The following CYP7B1 variants were observed in gnomAD, a reference collection of about 807,000 sequenced individuals.
CYP7B1 encodes the protein cytochrome P450 family 7 subfamily B member 1, also known as cytochrome P450 7B1.
Under a neutral mutation model 42.7 loss-of-function variants are expected in CYP7B1, and 29 were observed. That is an observed-to-expected ratio of 0.68 (90% confidence interval 0.51 to 0.93). The LOEUF (loss-of-function observed/expected upper bound fraction) is 0.93. CYP7B1 is among the 40% of genes least tolerant of loss of function. The probability of loss-of-function intolerance (pLI) is 0.00; values close to 1 mark genes in which losing one functional copy is unlikely to be tolerated. For missense variants in CYP7B1, 655 were observed against 600.5 expected (o/e 1.09, Z -0.95); for synonymous variants, 235 against 218.2 (o/e 1.08, Z -0.68).
chr8:64,782,593 G>A (rs1375742770), intron 1 of CYP7B1, among the ~76,000 whole-genome samples: 1 of 152,152 alleles, frequency 6.6e-6, no homozygotes, highest in African/African-American at 2.4e-5. Context: ...ATTATTAGGT[G>A]AGCACTCTAA....
At chr8:64,603,489 C>A (rs1805231814) in intron 5 of CYP7B1, among the ~76,000 whole-genome samples, 1 of 152,062 alleles carries the variant, frequency 6.6e-6, no homozygotes, top group Non-Finnish European at 1.5e-5. Context: ...TAAATAAATG[C>A]AGAATTGTAG....
chr8:64,643,180 T>C (rs780955720), intron 1 of CYP7B1, among the ~76,000 whole-genome samples: 3 of 92,816 alleles, frequency 3.2e-5, no homozygotes, highest in African/African-American at 9.2e-5. Context: ...TACATATATA[T>C]ACATATATAT....
At chr8:64,604,281 C>T (rs1805243349) in intron 5 of CYP7B1, among the ~76,000 whole-genome samples, 1 of 152,208 alleles carries the variant, frequency 6.6e-6, no homozygotes, top group Admixed American at 6.5e-5. Flanking sequence ...AACAGTCAAC[C>T]TCACTTTGGA....
intron 1 of CYP7B1, among the ~76,000 whole-genome samples, chr8:64,726,766 T>C (rs938843042): frequency 1.4e-4 from 21 of 152,232 alleles, no homozygotes; most frequent in African/African-American, 5.1e-4. Context: ...TAGGATCATC[T>C]GTATAGCAGA....
chr8:64,604,678 T>C lies in CYP7B1; in HGVS notation c.1233+4A>G. 6.2e-7 allele frequency: 1 copy of C among 1,614,096 alleles called. No homozygotes were observed. The highest frequency in any genetic ancestry group is 8.5e-7 in the Non-Finnish European group (1 of 1,180,020). The stretch of plus-strand genomic sequence containing the variant: ...TAGCAATCATAGGCTTGATGTTTAC[T>C]TACCTCTGGAGCTTCAAAGATTTCA... On this transcript the variant is annotated splice_donor_region_variant and intron_variant, in intron 5 of 5. Transcript: ENST00000310193.
chr8:64,667,753 T>C (rs1451710686), intron 1 of CYP7B1, among the ~76,000 whole-genome samples: 1 of 152,214 alleles, frequency 6.6e-6, no homozygotes, highest in African/African-American at 2.4e-5. Context: ...TTGTCTTCCT[T>C]GAAGCAGGAT....
intron 1 of CYP7B1, among the ~76,000 whole-genome samples, chr8:64,736,109 A>G (rs1807483310): frequency 6.6e-6 from 1 of 152,188 alleles, no homozygotes; most frequent in Non-Finnish European, 1.5e-5. Flanking sequence ...ATTTATCAGG[A>G]AGTCTTTGTG....
chr8:64,750,724 A>T (rs13264230), intron 1 of CYP7B1, among the ~76,000 whole-genome samples: 16,073 of 152,218 alleles, frequency 0.11, 1,133 homozygotes, highest in Non-Finnish European at 0.16. Context: ...CTTAATACTG[A>T]GTTGAACTTG....
intron 1 of CYP7B1, among the ~76,000 whole-genome samples, chr8:64,716,342 C>T (rs781226020): frequency 2.0e-5 from 3 of 152,092 alleles, no homozygotes; most frequent in Non-Finnish European, 4.4e-5. Context: ...TAGTTTTTAT[C>T]CAAGAAGTTA....
chr8:64,788,584 T>C (rs923712373), intron 1 of CYP7B1, among the ~76,000 whole-genome samples: 1 of 152,188 alleles, frequency 6.6e-6, no homozygotes, highest in Non-Finnish European at 1.5e-5. Context: ...GCTCCTGCCA[T>C]GCACCCACAG....
At chr8:64,795,727 T>A (rs909941584) in intron 1 of CYP7B1, among the ~76,000 whole-genome samples, 2 of 152,218 alleles carry the variant, frequency 1.3e-5, no homozygotes, top group Non-Finnish European at 2.9e-5. Flanking sequence ...GTCAAAAATG[T>A]ATCCTGATTC....
At chr8:64,684,838 A>G (rs992168550) in intron 1 of CYP7B1, among the ~76,000 whole-genome samples, 1 of 152,248 alleles carries the variant, frequency 6.6e-6, no homozygotes, top group African/African-American at 2.4e-5. Flanking sequence ...GGCGCTTGAC[A>G]TCATTAGACA....
intron 1 of CYP7B1, among the ~76,000 whole-genome samples, chr8:64,705,126 C>T (rs182366351): frequency 6.6e-6 from 1 of 151,910 alleles, no homozygotes; most frequent in Admixed American, 6.6e-5. Flanking sequence ...AGCACTTCCT[C>T]GGGGCCAAGT....
rs863224730 is a variant in CYP7B1 at position 64,615,922 on chromosome 8, T to C, written c.619A>G (p.Lys207Glu). The change falls in exon 3 of 6, where the codon AAA becomes GAA. Residue 207 changes from lysine to glutamate, a missense_variant. Physicochemically the swap from Lys to Glu is moderately conservative, Grantham distance 56 (BLOSUM62 1). Transcript: ENST00000310193. Reference sequence around the variant, plus strand: ...TCATCTCTTAGCTCACTAATAAATTTGTTGTTGTCACAAACAATAACTTTT... The same window carrying C: ...TCATCTCTTAGCTCACTAATAAATTCGTTGTTGTCACAAACAATAACTTTT... ...YGKVIVCDNN[K>E]FISELRDDFL... is the part of the protein sequence containing the mutation. The C allele has an allele frequency of 1.9e-6, 3 of 1,613,622 alleles. No individual in the cohort carries two copies. Among genetic ancestry groups the C allele is most frequent in the Non-Finnish European group, 2.5e-6 (3 of 1,179,762 alleles).
At chr8:64,695,270 G>A (rs1181590056) in intron 1 of CYP7B1, among the ~76,000 whole-genome samples, 1 of 152,202 alleles carries the variant, frequency 6.6e-6, no homozygotes, top group East Asian at 1.9e-4. Flanking sequence ...AGGACTGACC[G>A]GACATGAGCC....
intron 1 of CYP7B1, among the ~76,000 whole-genome samples, chr8:64,769,671 G>A (rs1804184883): frequency 6.6e-6 from 1 of 152,138 alleles, no homozygotes; most frequent in Non-Finnish European, 1.5e-5. Context: ...CTGTTATGTG[G>A]TTCAGCATCC....
intron 4 of CYP7B1, among the ~76,000 whole-genome samples, chr8:64,614,286 A>C (rs571016289): frequency 2.6e-5 from 4 of 152,286 alleles, no homozygotes; most frequent in Admixed American, 6.5e-5. Context: ...GTACAGACCT[A>C]TGTAGAAATA....
rs892990030 is a variant in CYP7B1 at position 64,731,906 on chromosome 8, T to C, written c.122+66560A>G. On this transcript the variant is annotated intron_variant, in intron 1 of 5. Coordinates refer to ENST00000310193, the MANE Select transcript of CYP7B1 (RefSeq NM_004820.5). ...GGTGGCTTCCACGTGGTGTTTGGCC[T>C]GTGGTGTACCAAAGTCAAGAACTGA... Among the ~76,000 whole-genome samples the C allele has an allele frequency of 5.3e-5, 8 of 152,234 alleles. 1 individual carries two copies. The highest frequency in any genetic ancestry group is 4.6e-4 in the Admixed American group (7 of 15,290).
intron 1 of CYP7B1, among the ~76,000 whole-genome samples, chr8:64,650,184 T>C (rs1201615006): frequency 1.3e-5 from 2 of 152,202 alleles, no homozygotes; most frequent in Non-Finnish European, 2.9e-5. Flanking sequence ...TCTCTAGTAA[T>C]ACTCCCAGAA....
Sources: gnomAD v4.1 joint callset for allele counts (sites outside exome capture counted in the v4.1 genomes callset) on GRCh38, gnomAD v4.1.1 for gene constraint, MANE v1.5 for transcripts, NCBI Gene and HGNC (gene_info 2026-07-23, HGNC 2026-07-21) for gene names.